Variants in SMOC1 observed in about 807,000 individuals in gnomAD.
The protein encoded by SMOC1 is SPARC related modular calcium binding 1.
A neutral mutation model predicts 56.3 loss-of-function variants in SMOC1; 22 were observed. That is an observed-to-expected ratio of 0.39 (90% CI 0.28 to 0.56). The LOEUF (loss-of-function observed/expected upper bound fraction) is 0.56. Ranked by LOEUF, SMOC1 falls within the 20% of genes least tolerant of loss-of-function variation. The pLI is 0.61. For synonymous variants in SMOC1, 193 were observed against 215.0 expected (o/e 0.90, Z 0.89); for missense variants, 509 against 565.4 (o/e 0.90, Z 1.01).
At chr14:70,004,573 A>G (rs1215648059) in intron 7 of SMOC1, among the ~76,000 whole-genome samples, 3 of 152,204 alleles carry the variant, frequency 2.0e-5, no homozygotes, top group Admixed American at 2.0e-4. Flanking sequence ...ACCTATTGAT[A>G]TTGGACTCAA....
intron 3 of SMOC1, among the ~76,000 whole-genome samples, chr14:69,960,184 A>G (rs774749849): frequency 1.4e-4 from 22 of 152,150 alleles, no homozygotes; most frequent in Non-Finnish European, 2.6e-4. Context: ...GGTTTGTCCT[A>G]TCTTTGATGA....
chr14:69,893,397 A>C (rs187274501), intron 1 of SMOC1, among the ~76,000 whole-genome samples: 15 of 152,266 alleles, frequency 9.9e-5, no homozygotes, highest in Admixed American at 3.3e-4. Context: ...AAGGGGGTTT[A>C]GTGCTAAAGT....
At chr14:69,977,025 A>G (rs1883986760) in intron 4 of SMOC1, among the ~76,000 whole-genome samples, 2 of 152,250 alleles carry the variant, frequency 1.3e-5, no homozygotes, top group South Asian at 4.1e-4. Context: ...TACAGGAATT[A>G]GCCCTCCTTT....
intron 7 of SMOC1, among the ~76,000 whole-genome samples, chr14:70,001,166 T>TA (rs1409197911): frequency 6.6e-6 from 1 of 152,068 alleles, no homozygotes; most frequent in African/African-American, 2.4e-5. Context: ...TGATTTTGTT[T>TA]AATTGTAAGA....
At chr14:70,025,987 T>A (rs994208908) in intron 11 of SMOC1, among the ~76,000 whole-genome samples, 9 of 152,208 alleles carry the variant, frequency 5.9e-5, no homozygotes, top group African/African-American at 2.2e-4. Flanking sequence ...ACTTACACTG[T>A]GTTGCAGTTT....
At chr14:69,913,918 C>G (rs1884619736) in intron 1 of SMOC1, among the ~76,000 whole-genome samples, 1 of 152,314 alleles carries the variant, frequency 6.6e-6, no homozygotes, top group Non-Finnish European at 1.5e-5. Flanking sequence ...TGTCTTCTGT[C>G]TGTTTATACA....
At chr14:70,016,755 T>C (rs1885527910) in intron 10 of SMOC1, among the ~76,000 whole-genome samples, 1 of 152,172 alleles carries the variant, frequency 6.6e-6, no homozygotes, top group Non-Finnish European at 1.5e-5. Flanking sequence ...CAAGTCAAGC[T>C]CTTGCCTGTT....
At chr14:69,983,306 G>C (rs1012402430) in intron 5 of SMOC1, among the ~76,000 whole-genome samples, 1 of 152,136 alleles carries the variant, frequency 6.6e-6, no homozygotes, top group East Asian at 1.9e-4. Flanking sequence ...GATATTTTAC[G>C]CTTGGTGCTT....
At chr14:70,023,588 A>G (rs1885814242) in intron 11 of SMOC1, 141 bp downstream of exon 11, 23 of 1,257,522 alleles carry the variant, frequency 1.8e-5, no homozygotes, top group Middle Eastern at 2.6e-4. Context: ...GCTTCATGCT[A>G]GATGTTTGAG....
At chr14:69,953,161 A>G (rs577506299) in intron 2 of SMOC1, among the ~76,000 whole-genome samples, 8 of 151,022 alleles carry the variant, frequency 5.3e-5, no homozygotes, top group South Asian at 4.2e-4. Context: ...TTTTTTTTCT[A>G]TGGGGCCAGG....
At position 69,981,687 on chromosome 14, in the gene SMOC1, G is replaced by T. The variant is rs1884182882; in HGVS notation, c.526+3722G>T. On this transcript the variant is annotated intron_variant, in intron 5 of 11. Transcript: ENST00000361956. ...TGAAGGCTGAAGAAGTAGAGATAGA[G>T]GTAAAGTTTTGGTTTTCACTGGAGT... is the stretch of plus-strand genomic sequence containing the variant. Among the ~76,000 whole-genome samples the T allele has an allele frequency of 2.0e-5, 3 of 152,192 alleles. No homozygotes were observed. The South Asian group carries it at 6.2e-4, about 32-fold the overall frequency.
At chr14:69,953,930 C>T (rs532173810) in intron 3 of SMOC1, among the ~76,000 whole-genome samples, 1 of 152,172 alleles carries the variant, frequency 6.6e-6, no homozygotes, top group Non-Finnish European at 1.5e-5. Context: ...ACCCCCTGCC[C>T]TCCCTGCTTT....
intron 5 of SMOC1, among the ~76,000 whole-genome samples, chr14:69,985,650 T>C (rs1884338144): frequency 6.6e-6 from 1 of 152,216 alleles, no homozygotes; most frequent in African/African-American, 2.4e-5. Flanking sequence ...TGTGATGCAA[T>C]CTCACACTGT....
chr14:70,023,829 A>ATG (rs57688603), intron 11 of SMOC1, among the ~76,000 whole-genome samples: 9,613 of 144,972 alleles, frequency 0.066, 331 homozygotes, highest in African/African-American at 0.09. Context: ...GAGTGTGTGT[A>ATG]TGTGTGTGTG....
chr14:69,914,260 T>C (rs140926217), intron 1 of SMOC1, among the ~76,000 whole-genome samples: 77 of 152,304 alleles, frequency 5.1e-4, no homozygotes, highest in African/African-American at 1.7e-3. Context: ...TATTTTAGGC[T>C]TTGTGGGGTA....
chr14:69,914,944 G>T lies in SMOC1; in HGVS notation c.99+35167G>T, dbSNP rs908298432. Among the ~76,000 whole-genome samples the T allele has an allele frequency of 3.3e-5, 5 of 152,086 alleles. No individual in the cohort carries two copies. In the South Asian group the frequency reaches 1.0e-3, roughly 32 times the overall value. On this transcript the variant is annotated intron_variant, in intron 1 of 11. Transcript: ENST00000361956. ...TGCAATTGCATGATCTTGGCTCGCTGCAACCTCCGCCTCCTGGGTTCAAGT... is the reference window on the plus strand; with the variant it reads ...TGCAATTGCATGATCTTGGCTCGCTTCAACCTCCGCCTCCTGGGTTCAAGT...
intron 7 of SMOC1, among the ~76,000 whole-genome samples, chr14:69,995,092 A>G (rs1171058232): frequency 2.0e-5 from 3 of 152,244 alleles, no homozygotes; most frequent in African/African-American, 7.2e-5. Flanking sequence ...CGAAATCTGT[A>G]TCTCTATCAA....
chr14:69,879,844 G>C, intron 1 of SMOC1, 67 bp downstream of exon 1: 1 of 1,354,806 alleles, frequency 7.4e-7, no homozygotes, highest in Non-Finnish European at 1.0e-6. Context: ...CCTCATCCCT[G>C]AGGGAAGGAG....
intron 5 of SMOC1, among the ~76,000 whole-genome samples, chr14:69,985,990 C>T (rs968222070): frequency 2.0e-5 from 3 of 152,088 alleles, no homozygotes; most frequent in Non-Finnish European, 4.4e-5. Context: ...TGAAGGCATC[C>T]ACTGGGGGTC....
Sources: allele counts gnomAD v4.1 joint callset (sites outside exome capture counted in the v4.1 genomes callset), GRCh38; gene constraint gnomAD v4.1.1; transcripts MANE v1.5; gene names NCBI Gene and HGNC (gene_info 2026-07-23, HGNC 2026-07-21).